Variants in CORO6 observed in about 807,000 individuals in gnomAD.
The protein encoded by CORO6 is coronin-6.
Under a neutral mutation model 49.0 loss-of-function variants are expected in CORO6, and 43 were observed. The observed-to-expected ratio is 0.88, with a 90% CI of 0.69 to 1.13. CORO6 has a LOEUF of 1.13. Ranked by LOEUF, CORO6 falls within the 50% of genes most tolerant of loss-of-function variation. The pLI is 0.00. For missense variants in CORO6, 650 were observed against 647.0 expected, an observed-to-expected ratio of 1.00 and a Z score of -0.05; for synonymous variants, 233 against 256.5, an observed-to-expected ratio of 0.91 and a Z score of 0.88.
Position 29,616,353 on chromosome 17 carries a change from T to G in CORO6, c.1005-17A>C, listed in dbSNP as rs533247552. ...TTGTAGAACCTATAAGGGAGCAGGG[T>G]TCAGCACCCTCGCAGACTTCCACGT... On this transcript the variant is annotated splice_polypyrimidine_tract_variant and intron_variant, in intron 8 of 10. Transcript: ENST00000388767. This position sits in a 1 kb window ranked among gnomAD's most constrained non-coding sequence, Gnocchi z 5.6. 1.9e-6 allele frequency: 3 copies of G among 1,591,978 alleles called. No homozygotes were observed. In the African/African-American group the frequency reaches 4.0e-5, roughly 21 times the overall value.
In CORO6 at chr17:29,615,705, C is replaced by T. The variant is rs1260597821; in HGVS notation, c.*27G>A. On this transcript the variant is annotated 3_prime_UTR_variant, in exon 11 of 11. Transcript: ENST00000388767. ...GCGGGGCCGAGCTTGTGCGCCCCGC[C>T]CCGCTCCGCCTGCCTGGCGCGCGGG... 6.8e-7 allele frequency: 1 copy of T among 1,481,224 alleles called. No homozygotes were observed. Among genetic ancestry groups the T allele is most frequent in the Non-Finnish European group, 8.9e-7 (1 of 1,120,354 alleles). The allele number at this position is 1,481,224 out of a possible 1,614,324, so 91.8% of individuals were successfully genotyped here.
chr17:29,616,793 AG>A lies in CORO6; in HGVS notation c.912del (p.Tyr305ThrfsTer2). On this transcript the variant is annotated frameshift_variant, in exon 8 of 11. Transcript: ENST00000388767. LOFTEE classifies it high-confidence loss of function. The surrounding 1 kb of genome is among the most constrained non-coding windows in gnomAD (Gnocchi z 5.6). The part of the protein sequence containing the change: ...FEITDEPPFV[H>X]YLNTFSSKEP... ...TCTTTGCTGCTGAACGTGTTCAGGT[AG>A]TGCACGAAAGGCGGCTCGTCGGTAA... 6.2e-7 allele frequency: 1 copy of A among 1,613,810 alleles called. No homozygotes were observed. The highest frequency in any genetic ancestry group is 8.5e-7 in the Non-Finnish European group (1 of 1,179,914).
At chr17:29,618,718 G>T in intron 5 of CORO6, 72 bp downstream of exon 5, 1 of 1,530,840 alleles carries the variant, frequency 6.5e-7, no homozygotes, top group South Asian at 1.2e-5. Context: ...CTCTGATAAT[G>T]GTGGGTACAA....
chr17:29,620,400 A>G (rs1227056577), intron 2 of CORO6, among the ~76,000 whole-genome samples: 1 of 152,210 alleles, frequency 6.6e-6, no homozygotes, highest in African/African-American at 2.4e-5. Context: ...CTGAAAGAGC[A>G]GACATATTGG....
chr17:29,616,985 A>G lies in CORO6; in HGVS notation c.811T>C (p.Leu271=). 1 of 1,613,776 alleles carries G rather than the reference A, an allele frequency of 6.2e-7. No homozygotes were observed. The highest frequency in any genetic ancestry group is 8.5e-7 in the Non-Finnish European group (1 of 1,180,004). Residue 271 remains leucine (L), a synonymous_variant, in exon 7 of 11, where the codon TTG becomes CTG. Transcript: ENST00000388767. The surrounding 1 kb of genome is among the most constrained non-coding windows in gnomAD (Gnocchi z 5.6). ...QEMDTSNGVL[L]PFYDPDSSIV... ...CTGGAGTCGGGATCGTAAAAGGGCA[A>G]TAGGACCCCGTTGCTTGTGTCCATC...
rs1477928633 is a variant in CORO6, at chr17:29,618,844, G to A, written c.579C>T (p.Thr193=). 3 of 1,613,944 alleles carry A rather than the reference G, an allele frequency of 1.9e-6. No individual in the cohort carries two copies. The South Asian group carries it at 3.3e-5, about 18-fold the overall frequency. ...WNSNGSLLAT[T]CKDKTLRIID... is the part of the protein sequence containing the mutation. ...TGATGCGCAAGGTCTTGTCCTTGCA[G>A]GTGGTGGCTAGCAGGCTACCGTTGC... Residue 193 remains threonine (T), a synonymous_variant, in exon 5 of 11, where the codon ACC becomes ACT. Coordinates refer to ENST00000388767, the MANE Select transcript of CORO6 (RefSeq NM_032854.4).
At chr17:29,618,344 G>A in intron 5 of CORO6, 1 of 1,293,788 alleles carries the variant, frequency 7.7e-7, no homozygotes, top group Non-Finnish European at 9.8e-7. Flanking sequence ...AGCAACGCGC[G>A]AGGGTTGCCC....
intron 10 of CORO6, 33 bp from the exon 11 acceptor site, chr17:29,615,890 AG>A: frequency 1.3e-6 from 2 of 1,575,028 alleles, no homozygotes; most frequent in African/African-American, 1.4e-5. Context: ...CGTGTCGTAT[AG>A]GGGCGGTTGG....
chr17:29,616,911 C>G lies in CORO6; in HGVS notation c.858+27G>C. 1 of 1,613,698 alleles carries G rather than the reference C, an allele frequency of 6.2e-7. No individual in the cohort carries two copies. The highest frequency in any genetic ancestry group is 8.5e-7 in the Non-Finnish European group (1 of 1,179,992). On this transcript the variant is annotated intron_variant, in intron 7 of 10. Coordinates refer to ENST00000388767, the MANE Select transcript of CORO6 (RefSeq NM_032854.4). The surrounding 1 kb of genome is among the most constrained non-coding windows in gnomAD (Gnocchi z 5.6). Reference sequence around the variant, plus strand: ...GCCCTCCACATCTCCATCCAGTGCCCTGTTCTCCCTGCCCGGCCGTGAGCA... The same window carrying G: ...GCCCTCCACATCTCCATCCAGTGCCGTGTTCTCCCTGCCCGGCCGTGAGCA...
At chr17:29,620,745 C>T (rs2035266577) in intron 2 of CORO6, among the ~76,000 whole-genome samples, 1 of 152,164 alleles carries the variant, frequency 6.6e-6, no homozygotes. Flanking sequence ...TTCTACTTCA[C>T]TGCAAGTGTC....
At chr17:29,619,953 T>C (rs2035224695) in intron 2 of CORO6, among the ~76,000 whole-genome samples, 180 bp from the exon 3 acceptor site, 1 of 152,206 alleles carries the variant, frequency 6.6e-6, no homozygotes, top group African/African-American at 2.4e-5. Context: ...GTTGAAATAA[T>C]TTAATATTAG....
Position 29,615,374 on chromosome 17 carries a change from G to A in CORO6, c.*358C>T, listed in dbSNP as rs2034804509. On this transcript the variant is annotated 3_prime_UTR_variant, in exon 11 of 11. Coordinates refer to ENST00000388767, the MANE Select transcript of CORO6 (RefSeq NM_032854.4). ...GCCACCCGTTTGAGGTCAAGCTCAGGCTCCAATAACCCCAAGCATCACGCT... is the reference window on the plus strand; with the variant it reads ...GCCACCCGTTTGAGGTCAAGCTCAGACTCCAATAACCCCAAGCATCACGCT... The A allele has an allele frequency of 4.9e-6, 1 of 205,986 alleles. No individual in the cohort carries two copies. Among genetic ancestry groups the A allele is most frequent in the Non-Finnish European group, 9.7e-6 (1 of 103,056 alleles). The allele number at this position is 205,986 out of a possible 1,614,324, so 12.8% of individuals were successfully genotyped here.
chr17:29,622,650 C>G, intron 1 of CORO6, 38 bp downstream of exon 1: 2 of 1,133,458 alleles, frequency 1.8e-6, no homozygotes, highest in Non-Finnish European at 2.2e-6. Context: ...GCCCGCTCCG[C>G]TGGCTGCGGT....
intron 5 of CORO6, chr17:29,618,415 C>T (rs2035120171): frequency 4.6e-6 from 6 of 1,291,558 alleles, no homozygotes; most frequent in South Asian, 2.5e-5. Flanking sequence ...GTGTCAGGCC[C>T]CAGACCCTGG....
Position 29,621,417 on chromosome 17 carries a change from C to A in CORO6, c.5G>T (p.Ser2Ile). 3.1e-6 allele frequency: 5 copies of A among 1,607,148 alleles called. No individual in the cohort carries two copies. Among genetic ancestry groups the A allele is most frequent in the Non-Finnish European group, 4.2e-6 (5 of 1,176,520 alleles). M[S>I]RRVVRQSKFR... Reference sequence around the variant, plus strand: ...CTTGCTTTGCCGAACCACACGTCTGCTCATAGCTGCAGGCAGAGAGGTAGG... The same window carrying A: ...CTTGCTTTGCCGAACCACACGTCTGATCATAGCTGCAGGCAGAGAGGTAGG... The change falls in exon 2 of 11, where the codon AGC (serine) becomes ATC (isoleucine). Residue 2 changes from serine to isoleucine, a missense_variant. Transcript: ENST00000388767. The surrounding 1 kb of genome is among the most constrained non-coding windows in gnomAD (Gnocchi z 4.2).
intron 1 of CORO6, among the ~76,000 whole-genome samples, 185 bp downstream of exon 1, chr17:29,622,503 T>A (rs550051066): frequency 2.0e-5 from 3 of 152,354 alleles, no homozygotes; most frequent in Non-Finnish European, 4.4e-5. Context: ...ACTGCGTTCT[T>A]GCGAGACGAG....
rs779117454 is a variant in CORO6, at chr17:29,616,294, CATG to C, written c.1044_1046del (p.Ile348del). On this transcript the variant is annotated inframe_deletion, in exon 9 of 11. Coordinates refer to ENST00000388767, the MANE Select transcript of CORO6 (RefSeq NM_032854.4). The surrounding 1 kb of genome is among the most constrained non-coding windows in gnomAD (Gnocchi z 5.6). ...GGCCCCTCACCTTGCGGGGCACAGTCATGATGATAGGTTCACACTTTCTTTCGT... is the reference window on the plus strand; with the variant it reads ...GGCCCCTCACCTTGCGGGGCACAGTCATGATAGGTTCACACTTTCTTTCGT... 6.8e-6 allele frequency: 11 copies of C among 1,611,102 alleles called. No individual in the cohort carries two copies. In the African/African-American group the frequency reaches 1.3e-4, roughly 20 times the overall value.
chr17:29,617,888 A>G, intron 5 of CORO6: 1 of 705,968 alleles, frequency 1.4e-6, no homozygotes, highest in Non-Finnish European at 2.2e-6. Context: ...TCCCTAGAGC[A>G]GGGGTGTCTG....
Position 29,616,392 on chromosome 17 carries a change from T to A in CORO6, c.1005-56A>T. On this transcript the variant is annotated intron_variant, in intron 8 of 10. Transcript: ENST00000388767. The surrounding 1 kb of genome is among the most constrained non-coding windows in gnomAD (Gnocchi z 5.6). ...AGACTTCCACGTCCTTAACTTCTCC[T>A]GTCTAAGACCAAGGGGGTTGGAGGC... 1 of 1,518,910 alleles carries A rather than the reference T, an allele frequency of 6.6e-7. No individual in the cohort carries two copies. Among genetic ancestry groups the A allele is most frequent in the African/African-American group, 1.4e-5 (1 of 73,082 alleles). 94.1% of individuals were successfully genotyped at this position (1,518,910 alleles called of 1,614,324 possible).
Sources: gnomAD v4.1 joint callset for allele counts (sites outside exome capture counted in the v4.1 genomes callset) on GRCh38, gnomAD v4.1.1 for gene constraint, Gnocchi (gnomAD v3.1) non-coding constraint, MANE v1.5 for transcripts, NCBI Gene and HGNC (gene_info 2026-07-23, HGNC 2026-07-21) for gene names.